The following LUC7L2 variants were observed in gnomAD, a reference collection of about 807,000 sequenced individuals.
LUC7L2 encodes LUC7 like 2, pre-mRNA splicing factor, also known as putative RNA-binding protein Luc7-like 2.
LUC7L2 carries 25 observed loss-of-function variants against 52.8 expected under a neutral mutation model. That is an observed-to-expected ratio of 0.47 (90% CI 0.34 to 0.66). The LOEUF is 0.66. LUC7L2 is among the 30% of genes least tolerant of loss of function. The probability of loss-of-function intolerance (pLI) is 0.01; values close to 1 mark genes in which losing one functional copy is unlikely to be tolerated. For synonymous variants in LUC7L2, 144 were observed against 160.9 expected (o/e 0.89, Z 0.80); for missense variants, 328 against 497.8 (o/e 0.66, Z 3.25).
chr7:139,346,642 C>T (rs781706209), intron 1 of LUC7L2, among the ~76,000 whole-genome samples: 5 of 152,210 alleles, frequency 3.3e-5, no homozygotes, highest in African/African-American at 4.8e-5. Context: ...GAATAGGTTA[C>T]GAGAGACTCT....
chr7:139,360,457 CCCCGTCCCATCCAAT>C, intron 1 of LUC7L2, 135 bp downstream of exon 1: 1 of 741,112 alleles, frequency 1.3e-6, no homozygotes, highest in Non-Finnish European at 2.2e-6. Context: ...GGTCCCCGTC[CCCCGTCCCATCCAAT>C]CAGGGCTCGG....
chr7:139,360,581 A>T lies in LUC7L2; in HGVS notation c.61+259A>T, dbSNP rs551005948. Among the ~76,000 whole-genome samples the T allele has an allele frequency of 4.5e-3, 684 of 152,162 alleles. 3 individuals are homozygous for T. The highest frequency in any genetic ancestry group is 8.8e-3 in the Admixed American group (134 of 15,298). On this transcript the variant is annotated intron_variant, in intron 1 of 9. Coordinates refer to ENST00000354926, the MANE Select transcript of LUC7L2 (RefSeq NM_016019.5). ...GGCAGAAAGGAGAGTTTGTGCTTTT[A>T]ATGTTGACTTGGCTGAGACGGGAGA...
intron 2 of LUC7L2, among the ~76,000 whole-genome samples, chr7:139,394,797 G>A (rs564427218): frequency 6.6e-6 from 1 of 152,324 alleles, no homozygotes; most frequent in East Asian, 1.9e-4. Flanking sequence ...GCATGGTAAA[G>A]TGGAAGCAAT....
intron 5 of LUC7L2, among the ~76,000 whole-genome samples, chr7:139,406,259 T>C (rs1268482471): frequency 1.3e-5 from 2 of 151,776 alleles, no homozygotes; most frequent in Non-Finnish European, 2.9e-5. Context: ...TCCATGTTGG[T>C]CAGGCTGGTC....
intron 1 of LUC7L2, among the ~76,000 whole-genome samples, chr7:139,354,762 T>C (rs924387215): frequency 6.6e-6 from 1 of 152,122 alleles, no homozygotes; most frequent in African/African-American, 2.4e-5. Context: ...CTCACAAAGG[T>C]AGGGACTCTA....
At chr7:139,357,628 C>T (rs1039822146), upstream of LUC7L2, among the ~76,000 whole-genome samples, 5 of 152,034 alleles carry the variant, frequency 3.3e-5, no homozygotes, top group Admixed American at 3.3e-4. Flanking sequence ...GTTTGGAATT[C>T]AGAGTTCTCT....
At chr7:139,396,942 CTA>C (rs1478977744) in intron 2 of LUC7L2, among the ~76,000 whole-genome samples, 2 of 152,084 alleles carry the variant, frequency 1.3e-5, no homozygotes, top group Non-Finnish European at 1.5e-5. Flanking sequence ...TTTATCTGGT[CTA>C]TTAATACTTT....
intron 4 of LUC7L2, among the ~76,000 whole-genome samples, chr7:139,402,885 A>G (rs891423178): frequency 6.6e-6 from 1 of 152,204 alleles, no homozygotes; most frequent in Admixed American, 6.5e-5. Context: ...TAAGTATAAC[A>G]TTGCCACAAG....
chr7:139,363,199 G>T, intron 1 of LUC7L2: 7 of 985,434 alleles, frequency 7.1e-6, no homozygotes, highest in Non-Finnish European at 8.4e-6. Flanking sequence ...GCAACCGCCT[G>T]TGTGCCACTG....
intron 1 of LUC7L2, among the ~76,000 whole-genome samples, chr7:139,363,976 C>CTTTTTTTTTTTTTTTTTTTTTTTT (rs1169793101): frequency 1.0e-5 from 1 of 96,080 alleles, no homozygotes; most frequent in African/African-American, 5.8e-5. Context: ...AGATTACATC[C>CTTTTTTTTTTTTTTTTTTTTTTTT]TTTTTTTTTT....
intron 1 of LUC7L2, among the ~76,000 whole-genome samples, chr7:139,369,271 AT>A (rs762711507): frequency 1.3e-5 from 2 of 152,246 alleles, no homozygotes; most frequent in Non-Finnish European, 2.9e-5. Context: ...AAAATATAAA[AT>A]TTAGCAGGCT....
intron 2 of LUC7L2, among the ~76,000 whole-genome samples, chr7:139,392,115 A>G (rs1244701379): frequency 6.6e-6 from 1 of 152,216 alleles, no homozygotes; most frequent in African/African-American, 2.4e-5. Flanking sequence ...AGCTGAATCA[A>G]CCAAACCTCT....
upstream of LUC7L2, among the ~76,000 whole-genome samples, chr7:139,358,373 T>G (rs1799686761): frequency 6.6e-6 from 1 of 152,230 alleles, no homozygotes; most frequent in Non-Finnish European, 1.5e-5. Flanking sequence ...GATCTGCTAA[T>G]AACAGTTCCA....
chr7:139,390,425 C>T (rs1323131247), intron 2 of LUC7L2, among the ~76,000 whole-genome samples: 6 of 151,718 alleles, frequency 4.0e-5, no homozygotes, highest in Non-Finnish European at 5.9e-5. Context: ...GATGGGGTTT[C>T]GCCATATTGG....
chr7:139,391,050 C>G (rs1794428979), intron 2 of LUC7L2, among the ~76,000 whole-genome samples: 1 of 152,100 alleles, frequency 6.6e-6, no homozygotes, highest in African/African-American at 2.4e-5. Flanking sequence ...ATTTTTTTCA[C>G]TTGTCTTGGA....
chr7:139,394,390 C>G (rs866541272), intron 2 of LUC7L2, among the ~76,000 whole-genome samples: 1 of 152,194 alleles, frequency 6.6e-6, no homozygotes, highest in Non-Finnish European at 1.5e-5. Flanking sequence ...AAAGGCTACT[C>G]TCACCAAAAA....
chr7:139,367,564 T>A (rs10271297), intron 1 of LUC7L2, among the ~76,000 whole-genome samples: 58,572 of 152,150 alleles, frequency 0.38, 15,762 homozygotes, highest in African/African-American at 0.77. Flanking sequence ...TTAAAATGTC[T>A]TGTTGGCAAA....
chr7:139,375,429 TTGAC>T (rs1473022338), intron 1 of LUC7L2: 2 of 985,310 alleles, frequency 2.0e-6, no homozygotes. Context: ...GTGCCTTTGT[TTGAC>T]TGGTGTGTAA....
At chr7:139,362,092 T>C (rs547220166) in intron 1 of LUC7L2, among the ~76,000 whole-genome samples, 1 of 152,250 alleles carries the variant, frequency 6.6e-6, no homozygotes, top group East Asian at 1.9e-4. Flanking sequence ...TATTTTTTTA[T>C]GTGTCTGTTA....
Sources: allele counts gnomAD v4.1 joint callset (sites outside exome capture counted in the v4.1 genomes callset), GRCh38; gene constraint gnomAD v4.1.1; transcripts MANE v1.5; gene names NCBI Gene and HGNC (gene_info 2026-07-23, HGNC 2026-07-21).